The following HERC1 variants were observed in gnomAD, a reference collection of about 807,000 sequenced individuals.
The protein encoded by HERC1 is probable E3 ubiquitin-protein ligase HERC1.
In HERC1, 160 loss-of-function variants were observed where a neutral mutation model predicts 554.3. The observed-to-expected ratio is 0.29, with a 90% CI of 0.25 to 0.33. The LOEUF is 0.33. Ranked by LOEUF, HERC1 falls within the 10% of genes least tolerant of loss-of-function variation. The pLI is 1.00. For missense variants in HERC1, 4,919 were observed against 5,918.5 expected (o/e 0.83, Z 5.54); for synonymous variants, 2,175 against 2,131.7 (o/e 1.02, Z -0.56).
intron 12 of HERC1, 116 bp downstream of exon 12, chr15:63,746,802 T>G: frequency 1.1e-6 from 1 of 891,086 alleles, no homozygotes; most frequent in East Asian, 2.8e-5. Context: ...AAAACAGGAG[T>G]AAGGGAAACA....
At chr15:63,681,293 C>T (rs1307563656) in intron 34 of HERC1, among the ~76,000 whole-genome samples, 1 of 152,082 alleles carries the variant, frequency 6.6e-6, no homozygotes, top group Non-Finnish European at 1.5e-5. Flanking sequence ...CGTCAAATTC[C>T]TGGGCTCAAG....
In HERC1 at chr15:63,628,736, G is replaced by A. The variant is rs1196650231; in HGVS notation, c.13046C>T (p.Ser4349Leu). The A allele has an allele frequency of 4.3e-6, 7 of 1,613,980 alleles. No homozygotes were observed. Among genetic ancestry groups the A allele is most frequent in the African/African-American group, 1.3e-5 (1 of 75,054 alleles). ...GLQGKNVRQISAGRCHSAAWT... is the reference protein window; with the variant it reads ...GLQGKNVRQILAGRCHSAAWT... ...TGCAGCACTGTGGCAGCGGCCAGCC[G>A]AGATCTGCCGAACATTTTTCCCTTG... Residue 4349 changes from serine to leucine, a missense_variant, in exon 70 of 78, where the codon TCG (serine) becomes TTG (leucine). By Grantham distance (145) the Ser-to-Leu change is moderately radical (BLOSUM62 -2). Around this residue, in one of 11 missense-constraint regions of HERC1, gnomAD observed 410 missense variants for 467.0 expected, o/e 0.88. Coordinates refer to ENST00000443617, the MANE Select transcript of HERC1 (RefSeq NM_003922.4).
chr15:63,740,254 T>A (rs2074741663), intron 12 of HERC1, among the ~76,000 whole-genome samples: 1 of 152,232 alleles, frequency 6.6e-6, no homozygotes, highest in African/African-American at 2.4e-5. Context: ...GTAGTATGTA[T>A]CACTACTTCA....
intron 12 of HERC1, among the ~76,000 whole-genome samples, chr15:63,741,995 G>T (rs2074831227): frequency 6.6e-6 from 1 of 152,136 alleles, no homozygotes; most frequent in African/African-American, 2.4e-5. Context: ...ATGATTTTAG[G>T]ATCAGCTTAT....
chr15:63,742,946 T>C (rs1243214491), intron 12 of HERC1, among the ~76,000 whole-genome samples: 1 of 152,204 alleles, frequency 6.6e-6, no homozygotes, highest in African/African-American at 2.4e-5. Flanking sequence ...AGTTTTTCTT[T>C]TCTTGCAATG....
At chr15:63,770,276 T>TTCC (rs1458735124) in intron 2 of HERC1, among the ~76,000 whole-genome samples, 1 of 152,220 alleles carries the variant, frequency 6.6e-6, no homozygotes, top group Non-Finnish European at 1.5e-5. Flanking sequence ...TCAGGGGTAC[T>TTCC]TCCTCCGTAA....
At chr15:63,683,792 G>A (rs1484499481) in intron 34 of HERC1, among the ~76,000 whole-genome samples, 1 of 152,196 alleles carries the variant, frequency 6.6e-6, no homozygotes, top group African/African-American at 2.4e-5. Flanking sequence ...GGACTGTATA[G>A]GCACATGCCC....
At chr15:63,723,446 T>C (rs2073905386) in intron 18 of HERC1, 91 bp from the exon 19 acceptor site, 2 of 926,996 alleles carry the variant, frequency 2.2e-6, no homozygotes, top group East Asian at 2.7e-5. Flanking sequence ...GATTATGAAA[T>C]GATAAACTTC....
intron 3 of HERC1, among the ~76,000 whole-genome samples, chr15:63,763,176 C>T (rs1441364941): frequency 1.3e-5 from 2 of 152,136 alleles, no homozygotes; most frequent in South Asian, 4.1e-4. Flanking sequence ...GACTTTGTCA[C>T]CCCCACGACC....
At chr15:63,789,694 A>C (rs983972145) in intron 1 of HERC1, among the ~76,000 whole-genome samples, 1 of 151,756 alleles carries the variant, frequency 6.6e-6, no homozygotes, top group Non-Finnish European at 1.5e-5. Flanking sequence ...GGTATTTGGA[A>C]GGCTGAGGCA....
Position 63,651,342 on chromosome 15 carries a change from T to C in HERC1, c.10457A>G (p.Asp3486Gly). 2 of 1,613,856 alleles carry C rather than the reference T, an allele frequency of 1.2e-6. No individual in the cohort carries two copies. Among genetic ancestry groups the C allele is most frequent in the South Asian group, 1.1e-5 (1 of 91,076 alleles). The change falls in exon 53 of 78, where the codon GAT (aspartate) becomes GGT (glycine). Residue 3486 changes from aspartate (D) to glycine (G), a missense_variant. Physicochemically the swap from Asp to Gly is moderately conservative, Grantham distance 94. Transcript: ENST00000443617. ...DAEESLGSPS[D>G]PSFSPVSWSI... ...CCAGGAAACTGGTGAGAAACTTGGA[T>C]CACTGGGTGATCCCAGGCTTTCCTC...
At chr15:63,660,931 TA>T (rs984974436) in intron 46 of HERC1, 41 bp downstream of exon 46, 7 of 1,209,738 alleles carry the variant, frequency 5.8e-6, no homozygotes, top group African/African-American at 1.5e-5. Flanking sequence ...AGAGGATATA[TA>T]AAAAAACATG....
intron 1 of HERC1, among the ~76,000 whole-genome samples, chr15:63,807,393 T>C (rs2145113008): frequency 6.6e-6 from 1 of 152,296 alleles, no homozygotes; most frequent in Admixed American, 6.5e-5. Context: ...CACAAAGCCA[T>C]TTCCTCTAGG....
At position 63,638,845 on chromosome 15, in the gene HERC1, T is replaced by C. The variant is rs779077364; in HGVS notation, c.11902-69A>G. 3.8e-6 allele frequency: 4 copies of C among 1,056,016 alleles called. No homozygotes were observed. In the Admixed American group the frequency reaches 5.3e-5, roughly 14 times the overall value. The allele number at this position is 1,056,016 out of a possible 1,614,324, so 65.4% of individuals were successfully genotyped here. A position where few individuals can be genotyped will look rare whatever the true frequency, so the allele number is the denominator to read the frequency against. The stretch of plus-strand genomic sequence containing the variant: ...GATGCACCTGCTCTTAACCACAAAG[T>C]CCTCTTCTAATCATTAAGTCTTATT... On this transcript the variant is annotated intron_variant, in intron 61 of 77. Transcript: ENST00000443617.
At chr15:63,707,951 A>G (rs1007016588) in intron 24 of HERC1, among the ~76,000 whole-genome samples, 11 of 149,592 alleles carry the variant, frequency 7.4e-5, no homozygotes, top group East Asian at 1.9e-4. Flanking sequence ...AAAAAAAAAA[A>G]AAGAAGAAGT....
intron 38 of HERC1, among the ~76,000 whole-genome samples, chr15:63,673,764 G>A (rs540448426): frequency 3.3e-4 from 51 of 152,312 alleles, no homozygotes; most frequent in African/African-American, 1.2e-3. Flanking sequence ...TCGCTCAGCC[G>A]CCCAGGCTTG....
chr15:63,644,234 A>C (rs1485687705), intron 57 of HERC1, among the ~76,000 whole-genome samples: 2 of 152,194 alleles, frequency 1.3e-5, no homozygotes, highest in Non-Finnish European at 2.9e-5. Flanking sequence ...AGATGATGTA[A>C]AGTGTATTTC....
chr15:63,731,036 T>C (rs2074269974), intron 14 of HERC1, among the ~76,000 whole-genome samples: 1 of 152,248 alleles, frequency 6.6e-6, no homozygotes, highest in Non-Finnish European at 1.5e-5. Flanking sequence ...TACTGCATAT[T>C]CTATTTTTGG....
chr15:63,632,591 G>C (rs1022067847), intron 68 of HERC1, 118 bp downstream of exon 68: 2 of 719,494 alleles, frequency 2.8e-6, no homozygotes, highest in Non-Finnish European at 5.0e-6. Flanking sequence ...GGAGGTCATA[G>C]TGACTACTCA....
Sources: gnomAD v4.1 joint callset for allele counts (sites outside exome capture counted in the v4.1 genomes callset) on GRCh38, gnomAD v4.1.1 for gene constraint, gnomAD v4.1.1 regional missense constraint, MANE v1.5 for transcripts, NCBI Gene and HGNC (gene_info 2026-07-23, HGNC 2026-07-21) for gene names.